NYAP2: variants seen among roughly 807,000 people sequenced by gnomAD.
NYAP2 encodes neuronal tyrosine-phosphorylated phosphoinositide-3-kinase adapter 2.
Under a neutral mutation model 50.4 loss-of-function variants are expected in NYAP2, and 23 were observed. That is an observed-to-expected ratio of 0.46 (90% CI 0.33 to 0.65). The LOEUF is 0.65. NYAP2 is among the 30% of genes least tolerant of loss of function. NYAP2 has a pLI of 0.02. For synonymous variants in NYAP2, 394 were observed against 365.2 expected (o/e 1.08, Z -0.90); for missense variants, 885 against 861.0 (o/e 1.03, Z -0.35).
intron 6 of NYAP2, among the ~76,000 whole-genome samples, chr2:225,648,428 C>T (rs760731862): frequency 6.6e-6 from 1 of 152,032 alleles, no homozygotes; most frequent in Non-Finnish European, 1.5e-5. Context: ...AATAATTGAA[C>T]ATTTTTGAAC....
chr2:225,491,796 G>C (rs1428070923), intron 3 of NYAP2, among the ~76,000 whole-genome samples: 1 of 152,176 alleles, frequency 6.6e-6, no homozygotes, highest in East Asian at 1.9e-4. Flanking sequence ...GTCTACAAAA[G>C]TCATCAATTG....
chr2:225,515,137 G>A (rs762372753), intron 4 of NYAP2, among the ~76,000 whole-genome samples: 4 of 152,152 alleles, frequency 2.6e-5, no homozygotes, highest in Non-Finnish European at 5.9e-5. Flanking sequence ...GATAGAGTCA[G>A]TCCATAAATT....
At chr2:225,574,752 T>G (rs1692141942) in intron 4 of NYAP2, among the ~76,000 whole-genome samples, 1 of 152,182 alleles carries the variant, frequency 6.6e-6, no homozygotes, top group Admixed American at 6.5e-5. Context: ...CTATGGTCAG[T>G]GCATTGTGGC....
intron 5 of NYAP2, among the ~76,000 whole-genome samples, chr2:225,609,233 G>A (rs189819812): frequency 1.3e-5 from 2 of 152,132 alleles, no homozygotes; most frequent in East Asian, 1.9e-4. Context: ...TGAACAAACC[G>A]AGGATAGGAT....
rs567314899 is a variant in NYAP2, at chr2:225,452,243, C to G, written c.221+43142C>G. ...TCATATCTCTTTTTAAAATAAAGAA[C>G]AGTAGCACCTACCTTAAGAAGCTGT... On this transcript the variant is annotated intron_variant, in intron 3 of 6. Transcript: ENST00000636099. Among the ~76,000 whole-genome samples, 19 of 152,278 alleles carry G rather than the reference C, an allele frequency of 1.2e-4. No individual in the cohort carries two copies. The Middle Eastern group carries it at 0.01, about 82-fold the overall frequency.
At chr2:225,512,225 C>T (rs1016101982) in intron 3 of NYAP2, among the ~76,000 whole-genome samples, 10 of 152,108 alleles carry the variant, frequency 6.6e-5, no homozygotes, top group African/African-American at 2.2e-4. Context: ...TTTGTTCAAA[C>T]TTTCCTATGT....
At chr2:225,444,862 T>C (rs1689526928) in intron 3 of NYAP2, among the ~76,000 whole-genome samples, 1 of 152,200 alleles carries the variant, frequency 6.6e-6, no homozygotes, top group African/African-American at 2.4e-5. Context: ...ATAACACTTA[T>C]TTGTGCTATT....
the NYAP2 span, among the ~76,000 whole-genome samples, chr2:225,680,244 A>C: frequency 6.6e-6 from 1 of 152,230 alleles, no homozygotes; most frequent in African/African-American, 2.4e-5. Flanking sequence ...CTAAGCAAGG[A>C]TATCTCTGGC....
At chr2:225,399,388 A>G (rs1393924953), upstream of NYAP2, among the ~76,000 whole-genome samples, 1 of 152,080 alleles carries the variant, frequency 6.6e-6, no homozygotes, top group East Asian at 1.9e-4. Flanking sequence ...AATGTGATAT[A>G]TATGTATATA....
At chr2:225,615,704 C>G (rs1692976093) in intron 5 of NYAP2, among the ~76,000 whole-genome samples, 1 of 152,080 alleles carries the variant, frequency 6.6e-6, no homozygotes, top group African/African-American at 2.4e-5. Context: ...TTGAATGTCA[C>G]AGTGTGTGTC....
intron 5 of NYAP2, among the ~76,000 whole-genome samples, chr2:225,594,656 A>C (rs1692566372): frequency 6.6e-6 from 1 of 152,260 alleles, no homozygotes; most frequent in Non-Finnish European, 1.5e-5. Context: ...CCTGGTGAAA[A>C]AATGGATTTT....
At chr2:225,429,881 C>T (rs141786629) in intron 3 of NYAP2, among the ~76,000 whole-genome samples, 2 of 152,310 alleles carry the variant, frequency 1.3e-5, no homozygotes, top group East Asian at 1.9e-4. Flanking sequence ...GCAACCCCAG[C>T]GTCACATGGT....
At chr2:225,576,711 A>T (rs983001294) in intron 4 of NYAP2, among the ~76,000 whole-genome samples, 1 of 152,250 alleles carries the variant, frequency 6.6e-6, no homozygotes, top group Non-Finnish European at 1.5e-5. Flanking sequence ...TTAAAAGGAT[A>T]CTTTATGCCA....
At chr2:225,638,471 A>G (rs1278281262) in intron 6 of NYAP2, among the ~76,000 whole-genome samples, 1 of 152,068 alleles carries the variant, frequency 6.6e-6, no homozygotes, top group African/African-American at 2.4e-5. Flanking sequence ...AGATGTGTAT[A>G]AAGTGTGTTT....
At chr2:225,565,739 G>A (rs1691949757) in intron 4 of NYAP2, among the ~76,000 whole-genome samples, 1 of 152,128 alleles carries the variant, frequency 6.6e-6, no homozygotes, top group South Asian at 2.1e-4. Flanking sequence ...ATCCTCACAT[G>A]CATATATGAA....
intron 3 of NYAP2, among the ~76,000 whole-genome samples, chr2:225,493,995 G>A (rs1690457053): frequency 6.6e-6 from 1 of 152,088 alleles, no homozygotes; most frequent in Non-Finnish European, 1.5e-5. Context: ...GTCAATGGCC[G>A]TGAAATTTCT....
intron 4 of NYAP2, among the ~76,000 whole-genome samples, chr2:225,514,154 A>G (rs927583233): frequency 4.6e-5 from 7 of 152,182 alleles, no homozygotes; most frequent in African/African-American, 1.7e-4. Context: ...ACTCTCCTTA[A>G]TATCTCCAAT....
the NYAP2 span, among the ~76,000 whole-genome samples, chr2:225,666,612 C>T: frequency 6.6e-6 from 1 of 152,108 alleles, no homozygotes; most frequent in Non-Finnish European, 1.5e-5. Flanking sequence ...TTTGTTTAAA[C>T]ACTTGAGATC....
the NYAP2 span, among the ~76,000 whole-genome samples, chr2:225,660,653 C>T: frequency 6.6e-6 from 1 of 152,028 alleles, no homozygotes; most frequent in Non-Finnish European, 1.5e-5. Flanking sequence ...CGCCACCTAG[C>T]GTCTGTAGCG....
Sources: allele counts gnomAD v4.1 joint callset (sites outside exome capture counted in the v4.1 genomes callset), GRCh38; gene constraint gnomAD v4.1.1; transcripts MANE v1.5; gene names NCBI Gene and HGNC (gene_info 2026-07-23, HGNC 2026-07-21).